Variants in PCDH15 observed in about 807,000 individuals in gnomAD.
The protein encoded by PCDH15 is protocadherin-15.
In PCDH15, 129 loss-of-function variants were observed where a neutral mutation model predicts 178.5. That is an observed-to-expected ratio of 0.72 (90% CI 0.63 to 0.84). The LOEUF (loss-of-function observed/expected upper bound fraction) is 0.84, where lower values mean the gene tolerates loss of function less well. PCDH15 is among the 40% of genes least tolerant of loss of function. The probability of loss-of-function intolerance (pLI) is 0.00; values close to 1 mark genes in which losing one functional copy is unlikely to be tolerated. For synonymous variants in PCDH15, 800 were observed against 732.0 expected (o/e 1.09, Z -1.50); for missense variants, 2,230 against 2,099.9 (o/e 1.06, Z -1.21).
At chr10:54,640,787 T>A (rs2093969634) in intron 2 of PCDH15, among the ~76,000 whole-genome samples, 1 of 152,088 alleles carries the variant, frequency 6.6e-6, no homozygotes, top group African/African-American at 2.4e-5. Context: ...GATGCCTTTT[T>A]AAGAGTCTTA....
At chr10:55,231,706 A>C (rs538265721) in intron 1 of PCDH15, among the ~76,000 whole-genome samples, 3 of 152,152 alleles carry the variant, frequency 2.0e-5, no homozygotes, top group African/African-American at 7.2e-5. Flanking sequence ...GGAAGAGTAC[A>C]CAATTTCTAG....
chr10:53,819,578 C>G (rs1293588852), intron 33 of PCDH15, among the ~76,000 whole-genome samples: 4 of 151,946 alleles, frequency 2.6e-5, no homozygotes, highest in African/African-American at 9.7e-5. Context: ...ATATGTATCA[C>G]TGTTTACTTT....
rs576797142 is a variant in PCDH15, at chr10:54,016,699, A to G, written c.2751+3493T>C. 9.2e-5 allele frequency among the ~76,000 whole-genome samples: 14 copies of G among 152,328 alleles called. No homozygotes were observed. The South Asian group carries it at 2.9e-3, about 32-fold the overall frequency. On this transcript the variant is annotated intron_variant, in intron 20 of 37. Coordinates refer to ENST00000644397, the MANE Select transcript of PCDH15 (RefSeq NM_001384140.1). ...AAACGTTGAGTACATAGGGACACAA[A>G]GATGGGAACAACATACATTGGGGGC...
intron 29 of PCDH15, among the ~76,000 whole-genome samples, chr10:53,839,096 C>T (rs2077482249): frequency 6.7e-6 from 1 of 148,520 alleles, no homozygotes; most frequent in Non-Finnish European, 1.5e-5. Flanking sequence ...CCTAGCTTCT[C>T]AGGAGGCTGA....
intron 18 of PCDH15, 93 bp downstream of exon 18, chr10:54,066,664 T>C (rs982338415): frequency 7.8e-7 from 1 of 1,284,650 alleles, no homozygotes; most frequent in Non-Finnish European, 1.1e-6. Context: ...TTTAACAGAT[T>C]ACATTAGCTG....
intron 2 of PCDH15, among the ~76,000 whole-genome samples, chr10:55,152,761 C>T (rs1314179757): frequency 6.6e-6 from 1 of 151,758 alleles, no homozygotes; most frequent in African/African-American, 2.4e-5. Flanking sequence ...TTACATTTGC[C>T]CTAAGACTGC....
intron 15 of PCDH15, among the ~76,000 whole-genome samples, chr10:54,094,161 T>C (rs2094654184): frequency 6.6e-6 from 1 of 152,096 alleles, no homozygotes; most frequent in Non-Finnish European, 1.5e-5. Flanking sequence ...CACTCATTAA[T>C]TCAACAAATA....
chr10:55,030,128 T>G (rs2131965202), intron 2 of PCDH15, among the ~76,000 whole-genome samples: 1 of 152,250 alleles, frequency 6.6e-6, no homozygotes, highest in South Asian at 2.1e-4. Flanking sequence ...ACATAGAAAT[T>G]AAGTCAGTTT....
intron 2 of PCDH15, among the ~76,000 whole-genome samples, chr10:55,374,744 T>G (rs968274735): frequency 6.6e-6 from 1 of 152,106 alleles, no homozygotes; most frequent in Admixed American, 6.6e-5. Context: ...ATTTATCAAC[T>G]TATTTTTGAG....
intron 9 of PCDH15, among the ~76,000 whole-genome samples, chr10:54,220,230 G>A (rs558212457): frequency 6.6e-5 from 10 of 152,240 alleles, no homozygotes; most frequent in South Asian, 4.1e-4. Context: ...TAGTTACTAC[G>A]GTGAAAATGT....
chr10:55,247,920 T>C (rs541583505), intron 1 of PCDH15: 25 of 150,288 alleles, frequency 1.7e-4, no homozygotes, highest in African/African-American at 6.1e-4. Flanking sequence ...AAAATACATT[T>C]ATAGGTTTTA....
At chr10:53,991,219 G>T (rs1564946221) in intron 21 of PCDH15, among the ~76,000 whole-genome samples, 2 of 152,192 alleles carry the variant, frequency 1.3e-5, no homozygotes, top group African/African-American at 4.8e-5. Flanking sequence ...GGACTGGCAG[G>T]CAGCTCTGCC....
intron 1 of PCDH15, among the ~76,000 whole-genome samples, chr10:55,240,496 T>C (rs933678898): frequency 6.6e-6 from 1 of 152,180 alleles, no homozygotes; most frequent in Non-Finnish European, 1.5e-5. Flanking sequence ...CTTGACATTG[T>C]GAAACACCTA....
In PCDH15 at chr10:55,011,525, A is replaced by G. The variant is rs371197721; in HGVS notation, c.-79-114025T>C. On this transcript the variant is annotated intron_variant, in intron 2 of 5. Transcript: ENST00000458638. ...CAATCCCTGATACACAGATTTATAT[A>G]GAAGGAATTCTAGGTTGTTTGACTT... is the stretch of plus-strand genomic sequence containing the variant. Among the ~76,000 whole-genome samples the G allele has an allele frequency of 3.9e-5, 6 of 152,254 alleles. No homozygotes were observed. In the East Asian group the frequency reaches 7.7e-4, roughly 20 times the overall value.
intron 1 of PCDH15, among the ~76,000 whole-genome samples, chr10:55,307,675 T>C (rs1022076359): frequency 1.1e-4 from 16 of 151,898 alleles, no homozygotes; most frequent in Admixed American, 1.3e-4. Flanking sequence ...ACAAAGAGAT[T>C]TGCCACACCT....
chr10:54,000,658 A>G (rs2092089477), intron 20 of PCDH15, among the ~76,000 whole-genome samples: 1 of 151,832 alleles, frequency 6.6e-6, no homozygotes, highest in Admixed American at 6.6e-5. Context: ...GAAAAAAAAG[A>G]ACAAAATCAA....
At chr10:55,266,772 C>T (rs1564949659) in intron 1 of PCDH15, among the ~76,000 whole-genome samples, 1 of 152,094 alleles carries the variant, frequency 6.6e-6, no homozygotes, top group African/African-American at 2.4e-5. Flanking sequence ...AGAGTCTGGC[C>T]AAGGTGGTCA....
intron 2 of PCDH15, among the ~76,000 whole-genome samples, chr10:55,546,511 CA>C (rs1841885778): frequency 6.6e-6 from 1 of 151,956 alleles, no homozygotes; most frequent in South Asian, 2.1e-4. Context: ...AAAGTGTTTA[CA>C]GGGGGCAAAT....
intron 2 of PCDH15, among the ~76,000 whole-genome samples, chr10:55,086,088 A>G (rs1355266379): frequency 9.2e-5 from 14 of 151,780 alleles, no homozygotes. Flanking sequence ...TATATTTTCT[A>G]AAAAGCTGGA....
Sources: allele counts gnomAD v4.1 joint callset (sites outside exome capture counted in the v4.1 genomes callset), GRCh38; gene constraint gnomAD v4.1.1; transcripts MANE v1.5; gene names NCBI Gene and HGNC (gene_info 2026-07-23, HGNC 2026-07-21).